The following COL4A6 variants were observed in gnomAD, a reference collection of about 807,000 sequenced individuals.
COL4A6 encodes collagen alpha-6(IV) chain.
A neutral mutation model predicts 126.7 loss-of-function variants in COL4A6; 59 were observed. The observed-to-expected ratio is 0.47, with a 90% confidence interval of 0.38 to 0.58. COL4A6 has a LOEUF of 0.58. Among genes scored for constraint, COL4A6 ranks in the 20% least tolerant of loss-of-function variants. The pLI, the probability that COL4A6 is intolerant of heterozygous loss-of-function variation, is 0.00. For synonymous variants in COL4A6, 547 were observed against 496.6 expected (o/e 1.10, Z -1.35); for missense variants, 1,285 against 1,337.3 (o/e 0.96, Z 0.61).
At chrX:108,291,103 A>G (rs1276434240) in intron 3 of COL4A6, among the ~76,000 whole-genome samples, 1 of 111,784 alleles carries the variant, frequency 8.9e-6, no homozygotes, top group African/African-American at 3.3e-5. Context: ...TCATTCACAG[A>G]ATCAACCTAG....
chrX:108,238,634 C>A (rs1433014749), intron 3 of COL4A6, among the ~76,000 whole-genome samples: 1 of 108,325 alleles, frequency 9.2e-6, no homozygotes, highest in African/African-American at 3.4e-5. Flanking sequence ...ACAAAAAATT[C>A]TGTGATAAAC....
chrX:108,196,059 ATCAC>A (rs1413076945), intron 14 of COL4A6, among the ~76,000 whole-genome samples: 2 of 111,331 alleles, frequency 1.8e-5, no homozygotes, highest in African/African-American at 3.3e-5. Flanking sequence ...GACTCCAAAC[ATCAC>A]TCACTATGTT....
chrX:108,425,098 T>C (rs1216963133), intron 2 of COL4A6, among the ~76,000 whole-genome samples: 1 of 111,065 alleles, frequency 9.0e-6, no homozygotes, highest in Non-Finnish European at 1.9e-5. Flanking sequence ...TCAAATGGGT[T>C]ACATACCAAA....
intron 23 of COL4A6, chrX:108,183,671 T>A: frequency 1.2e-6 from 1 of 813,168 alleles, no homozygotes; most frequent in Non-Finnish European, 1.6e-6. Context: ...AAAAAAGGGG[T>A]GTTTAGCTAA....
intron 2 of COL4A6, among the ~76,000 whole-genome samples, chrX:108,391,618 T>TG (rs956302618): frequency 3.6e-5 from 4 of 112,260 alleles, no homozygotes; most frequent in African/African-American, 1.3e-4. Context: ...TTGGGCTCTG[T>TG]GGGGTTGGGA....
chrX:108,297,990 A>G (rs2038374730), intron 3 of COL4A6, among the ~76,000 whole-genome samples: 1 of 107,822 alleles, frequency 9.3e-6, no homozygotes, highest in South Asian at 4.1e-4. Context: ...ACACACACAC[A>G]TCTTGCCTTC....
At chrX:108,315,156 A>G (rs1275423897) in intron 2 of COL4A6, among the ~76,000 whole-genome samples, 1 of 112,413 alleles carries the variant, frequency 8.9e-6, no homozygotes, top group Non-Finnish European at 1.9e-5. Flanking sequence ...ACTGAATAAA[A>G]ATGCCTAGTA....
intron 12 of COL4A6, 82 bp downstream of exon 12, chrX:108,204,238 T>C: frequency 2.7e-6 from 2 of 729,773 alleles, no homozygotes; most frequent in Non-Finnish European, 3.9e-6. Context: ...TCCAGTATTG[T>C]CTGGTTATTA....
chrX:108,389,555 G>GT lies in COL4A6; in HGVS notation c.63+48386dup, dbSNP rs755288307. On this transcript the variant is annotated intron_variant, in intron 2 of 44. Transcript: ENST00000334504. Reference sequence around the variant, plus strand: ...ATTGCAACCCCTGCTTTTTGTTTTTGTTTTTTTTTGCTTTCCATTTGCTTG... The same window carrying GT: ...ATTGCAACCCCTGCTTTTTGTTTTTGTTTTTTTTTTGCTTTCCATTTGCTTG... Among the ~76,000 whole-genome samples, 39 of 105,075 alleles carry GT rather than the reference G, an allele frequency of 3.7e-4. No individual in the cohort carries two copies. In the East Asian group the frequency reaches 6.5e-3, roughly 17 times the overall value. The allele number at this position is 105,075 out of a possible 115,157, so 91.2% of individuals were successfully genotyped here.
chrX:108,414,965 G>C (rs1287110875), intron 2 of COL4A6, among the ~76,000 whole-genome samples: 1 of 111,774 alleles, frequency 8.9e-6, no homozygotes. Flanking sequence ...ATGGAGGCCA[G>C]AGCAGTCATA....
At chrX:108,186,632 G>T (rs1027697462) in intron 23 of COL4A6, among the ~76,000 whole-genome samples, 1 of 111,774 alleles carries the variant, frequency 8.9e-6, no homozygotes, top group African/African-American at 3.3e-5. Flanking sequence ...TAAAATGGGG[G>T]ATTAGACTAT....
chrX:108,267,825 G>A (rs1173064862), intron 3 of COL4A6: 2 of 112,434 alleles, frequency 1.8e-5, no homozygotes, highest in Admixed American at 1.9e-4. Flanking sequence ...TCCACTTTCA[G>A]TTTTGTTTTA....
At chrX:108,185,892 G>A (rs2034844708) in intron 23 of COL4A6, among the ~76,000 whole-genome samples, 1 of 112,201 alleles carries the variant, frequency 8.9e-6, no homozygotes, top group Admixed American at 9.4e-5. Context: ...AACCCTGAAA[G>A]AGGAATATGA....
rs371305335 is a variant in COL4A6, at chrX:108,235,895, C to T, written c.145-14521G>A. ...AGCAAGCAAAACAGGCTAAATCCTA[C>T]GATCTGGGGGAGAAAAAGAGGTGAA... On this transcript the variant is annotated intron_variant, in intron 3 of 44. Coordinates refer to ENST00000334504, the MANE Select transcript of COL4A6 (RefSeq NM_033641.4). Among the ~76,000 whole-genome samples the T allele has an allele frequency of 2.1e-4, 23 of 110,263 alleles. 1 individual carries two copies. The South Asian group carries it at 7.9e-3, about 38-fold the overall frequency.
chrX:108,361,848 C>A (rs1216154393), intron 2 of COL4A6, among the ~76,000 whole-genome samples: 1 of 111,827 alleles, frequency 8.9e-6, no homozygotes, highest in Non-Finnish European at 1.9e-5. Flanking sequence ...ATCACAAACA[C>A]ACACTTCTAA....
chrX:108,320,333 C>A (rs1024514520), intron 2 of COL4A6, among the ~76,000 whole-genome samples: 2 of 111,403 alleles, frequency 1.8e-5, no homozygotes, highest in Non-Finnish European at 3.8e-5. Flanking sequence ...TTTTGGTAGA[C>A]TTGTCCAGCC....
intron 23 of COL4A6, among the ~76,000 whole-genome samples, chrX:108,182,192 A>G (rs1490251345): frequency 5.3e-5 from 6 of 112,572 alleles, no homozygotes; most frequent in African/African-American, 1.9e-4. Flanking sequence ...TCATGGCAAA[A>G]TGGGAACTAC....
In COL4A6 at chrX:108,352,558, GCTGAGA is replaced by G. The variant is rs1010380958; in HGVS notation, c.64-41736_64-41731del. Among the ~76,000 whole-genome samples, 18 of 112,189 alleles carry G rather than the reference GCTGAGA, an allele frequency of 1.6e-4. No individual in the cohort carries two copies. In the Admixed American group the frequency reaches 1.7e-3, roughly 11 times the overall value. ...CTCATTTAATCCTCACCACATCAGG[GCTGAGA>G]CTAATACTGGAATATACAGAGGTGT... On this transcript the variant is annotated intron_variant, in intron 2 of 44. Coordinates refer to ENST00000334504, the MANE Select transcript of COL4A6 (RefSeq NM_033641.4).
intron 3 of COL4A6, among the ~76,000 whole-genome samples, chrX:108,296,896 G>T (rs144669670): frequency 8.4e-4 from 94 of 111,835 alleles, no homozygotes; most frequent in Admixed American, 7.5e-3. Context: ...TGGAAGTCAA[G>T]CAAAGAAAGT....
Sources: allele counts gnomAD v4.1 joint callset (sites outside exome capture counted in the v4.1 genomes callset), GRCh38; gene constraint gnomAD v4.1.1; transcripts MANE v1.5; gene names NCBI Gene and HGNC (gene_info 2026-07-23, HGNC 2026-07-21).